Variants in SOX5 observed in about 807,000 individuals in gnomAD.
SOX5 encodes the protein transcription factor SOX-5.
SOX5 carries 9 observed loss-of-function variants against 92.0 expected under a neutral mutation model. The observed-to-expected ratio is 0.10, with a 90% confidence interval of 0.06 to 0.17. SOX5 has a LOEUF of 0.17. SOX5 is among the 10% of genes least tolerant of loss of function. The pLI is 1.00. For missense variants in SOX5, 642 were observed against 944.5 expected (o/e 0.68, Z 4.20); for synonymous variants, 344 against 336.3 (o/e 1.02, Z -0.25).
chr12:24,243,777 A>G (rs536662763), intron 3 of SOX5, among the ~76,000 whole-genome samples: 1 of 152,268 alleles, frequency 6.6e-6, no homozygotes, highest in Non-Finnish European at 1.5e-5. Flanking sequence ...AAAGTCCCTT[A>G]GCCCAATCCC....
intron 4 of SOX5, among the ~76,000 whole-genome samples, chr12:24,149,341 T>A (rs1160353453): frequency 6.6e-6 from 1 of 151,962 alleles, no homozygotes; most frequent in Non-Finnish European, 1.5e-5. Flanking sequence ...TATAAAAGAC[T>A]CTCAAAACTC....
At chr12:24,186,948 T>G (rs1429127840) in intron 4 of SOX5, among the ~76,000 whole-genome samples, 1 of 149,092 alleles carries the variant, frequency 6.7e-6, no homozygotes, top group Non-Finnish European at 1.5e-5. Flanking sequence ...TAAAAAAAAG[T>G]AAAAGTAGGT....
At chr12:23,687,929 G>A (rs759834858) in intron 6 of SOX5, among the ~76,000 whole-genome samples, 15 of 150,654 alleles carry the variant, frequency 1.0e-4, no homozygotes, top group Non-Finnish European at 2.1e-4. Flanking sequence ...CAATCAGCCT[G>A]CCACTGATCA....
intron 3 of SOX5, among the ~76,000 whole-genome samples, chr12:24,274,099 T>C (rs1944130381): frequency 6.6e-6 from 1 of 152,216 alleles, no homozygotes; most frequent in Non-Finnish European, 1.5e-5. Context: ...ATGTAAATTT[T>C]ACAGTTGTAT....
chr12:23,950,869 A>G, upstream of SOX5: 2 of 1,535,286 alleles, frequency 1.3e-6, no homozygotes, highest in Non-Finnish European at 1.7e-6. Context: ...AGACACTTAC[A>G]CAGACATGCA....
chr12:23,572,290 AC>A (rs1488680205), intron 10 of SOX5, among the ~76,000 whole-genome samples: 1 of 152,210 alleles, frequency 6.6e-6, no homozygotes, highest in Non-Finnish European at 1.5e-5. Context: ...TTCAGGAGTG[AC>A]CTTTACAACA....
At chr12:24,284,726 G>C (rs911520862) in intron 2 of SOX5, among the ~76,000 whole-genome samples, 1 of 152,120 alleles carries the variant, frequency 6.6e-6, no homozygotes, top group Non-Finnish European at 1.5e-5. Flanking sequence ...TGTCTCTCCA[G>C]TATAAAGGTG....
At chr12:23,635,943 T>G (rs2079175778) in intron 8 of SOX5, among the ~76,000 whole-genome samples, 1 of 152,114 alleles carries the variant, frequency 6.6e-6, no homozygotes, top group African/African-American at 2.4e-5. Context: ...AGAGCTCTCA[T>G]GTTTCTGGGT....
rs557570026 is a variant in SOX5, at chr12:23,711,120, C to A, written c.810+23564G>T. On this transcript the variant is annotated intron_variant, in intron 6 of 14. Transcript: ENST00000451604. ...TCTCATAATAAAAACAAAAGAGGTA[C>A]CTTATTTTCAAAAAGAGTCTATTTC... Among the ~76,000 whole-genome samples, 11 of 152,206 alleles carry A rather than the reference C, an allele frequency of 7.2e-5. No individual in the cohort carries two copies. The South Asian group carries it at 2.3e-3, about 32-fold the overall frequency.
rs1056401159 is a variant in SOX5 at position 24,320,843 on chromosome 12, C to T, written c.-173-43531G>A. Among the ~76,000 whole-genome samples, 11 of 147,058 alleles carry T rather than the reference C, an allele frequency of 7.5e-5. No homozygotes were observed. In the East Asian group the frequency reaches 1.0e-3, roughly 14 times the overall value. On this transcript the variant is annotated intron_variant, in intron 2 of 4. Coordinates refer to the SOX5 transcript ENST00000446891. ...TGGCGCCACTACACTCCAGCCTGGG[C>T]GACAGAGCAAGACTCTGTCTCAAAA...
intron 1 of SOX5, among the ~76,000 whole-genome samples, chr12:23,936,049 G>C (rs554150492): frequency 3.0e-4 from 46 of 151,148 alleles, no homozygotes; most frequent in Non-Finnish European, 5.1e-4. Flanking sequence ...TGTGAGGCTA[G>C]AGTGAAATAA....
intron 4 of SOX5, among the ~76,000 whole-genome samples, chr12:24,091,653 G>A (rs1024712931): frequency 1.3e-5 from 2 of 152,128 alleles, no homozygotes; most frequent in East Asian, 3.9e-4. Context: ...CCCATAATCA[G>A]ATGAGACAGA....
chr12:23,944,472 A>T (rs2139649724), intron 1 of SOX5: 1 of 152,314 alleles, frequency 6.6e-6, no homozygotes, highest in South Asian at 2.1e-4. Context: ...CACTAAAAGA[A>T]AGAAAGAACA....
intron 6 of SOX5, among the ~76,000 whole-genome samples, chr12:23,732,331 T>A (rs967975354): frequency 1.3e-5 from 2 of 152,194 alleles, no homozygotes; most frequent in African/African-American, 4.8e-5. Context: ...CCATAATTGT[T>A]TGAACAATCT....
At chr12:24,055,708 C>G (rs1050210989) in intron 4 of SOX5, among the ~76,000 whole-genome samples, 36 of 152,106 alleles carry the variant, frequency 2.4e-4, no homozygotes, top group Admixed American at 2.2e-3. Flanking sequence ...TTCATCTTGT[C>G]TAACAATTAG....
intron 9 of SOX5, among the ~76,000 whole-genome samples, chr12:23,590,365 C>T (rs965178506): frequency 6.6e-6 from 1 of 151,986 alleles, no homozygotes; most frequent in Non-Finnish European, 1.5e-5. Context: ...AATTCACTCA[C>T]AAAGTTCTAC....
intron 4 of SOX5, among the ~76,000 whole-genome samples, chr12:24,196,626 A>G (rs540085118): frequency 6.6e-6 from 1 of 152,324 alleles, no homozygotes; most frequent in South Asian, 2.1e-4. Context: ...CTTTAGGGCC[A>G]GGCACGGTGG....
intron 1 of SOX5, among the ~76,000 whole-genome samples, chr12:24,513,187 G>A (rs146720825): frequency 3.3e-5 from 5 of 152,306 alleles, no homozygotes; most frequent in Admixed American, 6.5e-5. Context: ...TAATGTAAGT[G>A]TTCTGAGCAG....
intron 1 of SOX5, among the ~76,000 whole-genome samples, chr12:24,541,317 G>A (rs746158906): frequency 5.3e-5 from 8 of 151,992 alleles, no homozygotes; most frequent in African/African-American, 9.7e-5. Flanking sequence ...ATTGCACTTC[G>A]GTAAAAGGTT....
Sources: gnomAD v4.1 joint callset for allele counts (sites outside exome capture counted in the v4.1 genomes callset) on GRCh38, gnomAD v4.1.1 for gene constraint, MANE v1.5 for transcripts, NCBI Gene and HGNC (gene_info 2026-07-23, HGNC 2026-07-21) for gene names.